Variants in B3GALT1 observed in about 807,000 individuals in gnomAD.
B3GALT1 encodes the protein UDP-Gal:betaGlcNAc beta 1,3-galactosyltransferase, polypeptide 1.
B3GALT1 carries 10 observed loss-of-function variants against 23.2 expected under a neutral mutation model. The ratio of observed to expected loss-of-function variants is 0.43; its 90% confidence interval spans 0.27 to 0.73. B3GALT1 has a LOEUF of 0.73. Among genes scored for constraint, B3GALT1 ranks in the 30% least tolerant of loss-of-function variants. B3GALT1 has a pLI of 0.21. For missense variants in B3GALT1, 299 were observed against 405.4 expected (o/e 0.74, Z 2.25); for synonymous variants, 156 against 141.5 (o/e 1.10, Z -0.73).
intron 1 of B3GALT1, among the ~76,000 whole-genome samples, chr2:167,296,084 C>T (rs1696345664): frequency 1.3e-5 from 2 of 152,084 alleles, no homozygotes; most frequent in Admixed American, 6.6e-5. Context: ...TTCAGGGCAG[C>T]CCATGAGCTT....
At position 167,765,956 on chromosome 2, in the gene B3GALT1, C is replaced by T. The variant is rs149832022; in HGVS notation, c.-351-52716C>T. Among the ~76,000 whole-genome samples the T allele has an allele frequency of 7.0e-4, 107 of 152,306 alleles. 3 individuals are homozygous for T. The highest frequency in any genetic ancestry group is 3.4e-3 in the Middle Eastern group (1 of 294). On this transcript the variant is annotated intron_variant, in intron 3 of 4. Transcript: ENST00000392690. The stretch of plus-strand genomic sequence containing the variant: ...TACACTATTTGAGAGATGAACAAAC[C>T]TTTGTGACCAAGTGAAAGCATACTT...
At chr2:167,445,619 A>T (rs111676209) in intron 1 of B3GALT1, among the ~76,000 whole-genome samples, 2,031 of 152,190 alleles carry the variant, frequency 0.013, 45 homozygotes, top group African/African-American at 0.046. Context: ...CCATTATGTA[A>T]TGACCTTTGT....
intron 3 of B3GALT1, among the ~76,000 whole-genome samples, chr2:167,722,513 ACTTT>A (rs1466392925): frequency 3.9e-5 from 6 of 152,126 alleles, no homozygotes; most frequent in South Asian, 2.1e-4. Context: ...CTTTTAATTA[ACTTT>A]CTATGTCCTT....
chr2:167,871,485 T>C lies in B3GALT1; in HGVS notation c.*1465T>C, dbSNP rs1217355585. The C allele has an allele frequency of 6.6e-6, 1 of 152,188 alleles. No homozygotes were observed. Among genetic ancestry groups the C allele is most frequent in the East Asian group, 1.9e-4 (1 of 5,202 alleles). The allele number at this position is 152,188 out of a possible 1,614,324, so 9.4% of individuals were successfully genotyped here. On this transcript the variant is annotated 3_prime_UTR_variant, in exon 5 of 5. Transcript: ENST00000392690. ...AATTCTACCAAGGCTTGACTTTTCC[T>C]TGGCTGTAATTTAGGTGTTTGGGAA...
At chr2:167,363,704 C>T (rs537978284) in intron 1 of B3GALT1, among the ~76,000 whole-genome samples, 1 of 152,172 alleles carries the variant, frequency 6.6e-6, no homozygotes, top group African/African-American at 2.4e-5. Flanking sequence ...TGGCCCATCA[C>T]TTACTTTTGC....
chr2:167,665,150 T>G (rs1337911493), intron 3 of B3GALT1, among the ~76,000 whole-genome samples: 6 of 151,410 alleles, frequency 4.0e-5, no homozygotes, highest in East Asian at 3.9e-4. Context: ...AATACCTAAT[T>G]TATTGAGAGT....
In B3GALT1 at chr2:167,779,509, T is replaced by C. The variant is rs79511625; in HGVS notation, c.-351-39163T>C. 1.7e-3 allele frequency among the ~76,000 whole-genome samples: 261 copies of C among 152,366 alleles called. 5 individuals carry two copies. In the East Asian group the frequency reaches 0.045, roughly 26 times the overall value. On this transcript the variant is annotated intron_variant, in intron 3 of 4. Transcript: ENST00000392690. ...ATCCACAAGTCATTTCCTGTTTTTC[T>C]GATGCGGTTAGCCCTGATCAATAAA...
intron 3 of B3GALT1, among the ~76,000 whole-genome samples, chr2:167,674,528 T>C (rs1189561729): frequency 2.0e-5 from 3 of 152,212 alleles, no homozygotes; most frequent in Non-Finnish European, 4.4e-5. Flanking sequence ...GATAAGCTTT[T>C]CTCAAAGAAT....
intron 1 of B3GALT1, among the ~76,000 whole-genome samples, chr2:167,301,177 A>G (rs571919137): frequency 9.0e-4 from 137 of 152,358 alleles, no homozygotes; most frequent in African/African-American, 3.2e-3. Context: ...AACTTCTGGT[A>G]AGATTCTTCA....
At chr2:167,825,767 G>A (rs700546) in intron 4 of B3GALT1, among the ~76,000 whole-genome samples, 20,978 of 152,100 alleles carry the variant, frequency 0.14, 1,646 homozygotes, top group East Asian at 0.21. Context: ...CTCGGGCTTG[G>A]GCAGGGAGTC....
intron 1 of B3GALT1, among the ~76,000 whole-genome samples, chr2:167,347,026 A>G (rs987543046): frequency 1.1e-4 from 16 of 152,204 alleles, no homozygotes; most frequent in Admixed American, 9.8e-4. Flanking sequence ...TTGTGTTTTG[A>G]TAGTGACATT....
chr2:167,536,442 G>A (rs530680843), intron 2 of B3GALT1, among the ~76,000 whole-genome samples: 1 of 152,242 alleles, frequency 6.6e-6, no homozygotes, highest in Non-Finnish European at 1.5e-5. Flanking sequence ...TTTTTATAAT[G>A]CAGACTAGGA....
intron 1 of B3GALT1, among the ~76,000 whole-genome samples, chr2:167,418,570 A>G (rs947158593): frequency 2.0e-5 from 3 of 152,212 alleles, no homozygotes; most frequent in African/African-American, 7.2e-5. Context: ...GTAGAATTAA[A>G]TTTGTACTCA....
intron 4 of B3GALT1, among the ~76,000 whole-genome samples, chr2:167,823,097 G>GTTT (rs1238703330): frequency 1.3e-5 from 2 of 152,066 alleles, no homozygotes; most frequent in African/African-American, 4.8e-5. Context: ...GCTGCCATCA[G>GTTT]TAAAGGAGCT....
chr2:167,827,005 A>G (rs1304244430), intron 4 of B3GALT1, among the ~76,000 whole-genome samples: 1 of 152,154 alleles, frequency 6.6e-6, no homozygotes, highest in African/African-American at 2.4e-5. Context: ...TAAATAAATC[A>G]CGTATTTTTC....
chr2:167,506,321 A>C (rs374291701), intron 2 of B3GALT1, among the ~76,000 whole-genome samples: 1 of 152,182 alleles, frequency 6.6e-6, no homozygotes, highest in Non-Finnish European at 1.5e-5. Context: ...GAGATTTAAT[A>C]TCTGTTCAAT....
intron 1 of B3GALT1, among the ~76,000 whole-genome samples, chr2:167,462,206 T>C (rs10206206): frequency 0.11 from 17,175 of 152,172 alleles, 1,138 homozygotes; most frequent in African/African-American, 0.19. Context: ...TATTTTAATA[T>C]AATTAATTTA....
intron 2 of B3GALT1, among the ~76,000 whole-genome samples, chr2:167,546,554 C>G (rs946888238): frequency 6.6e-6 from 1 of 152,130 alleles, no homozygotes; most frequent in African/African-American, 2.4e-5. Context: ...TCTCACCCCC[C>G]ACCCCAACTC....
At chr2:167,631,444 T>G (rs1258386090) in intron 2 of B3GALT1, 1 of 151,852 alleles carries the variant, frequency 6.6e-6, no homozygotes, top group Non-Finnish European at 1.5e-5. Context: ...TTCTAAGATT[T>G]TTGTCTAGCA....
Sources: allele counts gnomAD v4.1 joint callset (sites outside exome capture counted in the v4.1 genomes callset), GRCh38; gene constraint gnomAD v4.1.1; transcripts MANE v1.5; gene names NCBI Gene and HGNC (gene_info 2026-07-23, HGNC 2026-07-21).